The following ERCC3 variants were observed in gnomAD, a reference collection of about 807,000 sequenced individuals.
ERCC3 encodes general transcription and DNA repair factor IIH helicase/translocase subunit XPB.
In ERCC3, 66 loss-of-function variants were observed where a neutral mutation model predicts 94.2. That is an observed-to-expected ratio of 0.70 (90% CI 0.57 to 0.86). The LOEUF is 0.86. ERCC3 is among the 40% of genes least tolerant of loss of function. The pLI is 0.00. For missense variants in ERCC3, 829 were observed against 987.1 expected, an observed-to-expected ratio of 0.84 and a Z score of 2.15; for synonymous variants, 349 against 369.1, an observed-to-expected ratio of 0.95 and a Z score of 0.63.
At chr2:127,267,552 C>A (rs1263741997) in intron 12 of ERCC3, among the ~76,000 whole-genome samples, 4 of 151,922 alleles carry the variant, frequency 2.6e-5, no homozygotes, top group Non-Finnish European at 5.9e-5. Context: ...TGTTTTTAAT[C>A]CAATTTGCCA....
At chr2:127,272,244 C>T (rs915955774) in intron 11 of ERCC3, among the ~76,000 whole-genome samples, 13 of 151,930 alleles carry the variant, frequency 8.6e-5, no homozygotes, top group Admixed American at 3.9e-4. Flanking sequence ...AGGCTGGTCT[C>T]GAACTCCTGA....
chr2:127,284,687 A>ATT lies in ERCC3; in HGVS notation c.1342+2014_1342+2015dup, dbSNP rs533600271. On this transcript the variant is annotated intron_variant, in intron 8 of 14. Transcript: ENST00000285398. The surrounding 1 kb of genome is among the most constrained non-coding windows in gnomAD (Gnocchi z 4.1). ...AATTTACCCTAATCTGTTCATCTTT[A>ATT]TTTTTTTTTTTTGAGACAGAGTCTC... is the stretch of plus-strand genomic sequence containing the variant. Among the ~76,000 whole-genome samples, 12,480 of 145,666 alleles carry ATT rather than the reference A, an allele frequency of 0.086. 688 individuals carry two copies. The highest frequency in any genetic ancestry group is 0.16 in the African/African-American group (6,385 of 39,726).
chr2:127,276,458 G>A (rs994625779), intron 10 of ERCC3, among the ~76,000 whole-genome samples: 5 of 151,532 alleles, frequency 3.3e-5, no homozygotes, highest in East Asian at 1.9e-4. Context: ...GGAAACAGAC[G>A]GAAGCTTCAA....
At position 127,277,215 on chromosome 2, in the gene ERCC3, A is replaced by G. The variant is rs893294207; in HGVS notation, c.1730+1958T>C. 2.6e-5 allele frequency among the ~76,000 whole-genome samples: 4 copies of G among 152,134 alleles called. No individual in the cohort carries two copies. The highest frequency in any genetic ancestry group is 6.6e-5 in the Admixed American group (1 of 15,262). On this transcript the variant is annotated intron_variant, in intron 10 of 14. Transcript: ENST00000285398. This position sits in a 1 kb window ranked among gnomAD's most constrained non-coding sequence, Gnocchi z 5.1. ...AAGCAGGCCAGAACAGAGTAAGCGA[A>G]TGGAGTGCTGGTGGGGATCCCACTG...
At chr2:127,273,381 G>A (rs563199190) in intron 10 of ERCC3, among the ~76,000 whole-genome samples, 11 of 152,184 alleles carry the variant, frequency 7.2e-5, no homozygotes, top group Non-Finnish European at 1.3e-4. Flanking sequence ...GAGATGAGCA[G>A]AAAGGAGAAA....
intron 1 of ERCC3, 124 bp downstream of exon 1, chr2:127,293,930 C>G: frequency 1.3e-6 from 2 of 1,532,458 alleles, no homozygotes; most frequent in Non-Finnish European, 1.7e-6. Flanking sequence ...CCTGTCCCAA[C>G]GGGGTGCGCG....
At chr2:127,262,161 G>A (rs1424268870) in intron 12 of ERCC3, 1 of 152,322 alleles carries the variant, frequency 6.6e-6, no homozygotes, top group African/African-American at 2.4e-5. Context: ...AAAGAATGAA[G>A]TACTGACAGA....
intron 1 of ERCC3, 51 bp downstream of exon 1, chr2:127,294,003 G>T (rs981867732): frequency 1.3e-6 from 2 of 1,594,546 alleles, no homozygotes; most frequent in East Asian, 4.5e-5. Context: ...AGAGCGGGGG[G>T]CAGGGCCGGC....
chr2:127,275,175 G>A (rs575900796), intron 10 of ERCC3, among the ~76,000 whole-genome samples: 2 of 152,108 alleles, frequency 1.3e-5, no homozygotes, highest in Non-Finnish European at 2.9e-5. Flanking sequence ...GCAAAGAATG[G>A]AGCAATGCCC....
rs950128005 is a variant in ERCC3 at position 127,292,381 on chromosome 2, A to G, written c.471+229T>C. ...GCTCATGAGAAGCGTGGCCTCACCC[A>G]GAACACAATGCTGGATCCAGAGTGT... On this transcript the variant is annotated intron_variant, in intron 3 of 14. Transcript: ENST00000285398. 4.9e-6 allele frequency: 3 copies of G among 611,044 alleles called. 1 individual carries two copies. The South Asian group carries it at 5.3e-5, about 11-fold the overall frequency. The allele number at this position is 611,044 out of a possible 1,614,324, so 37.9% of individuals were successfully genotyped here.
chr2:127,267,298 T>TG (rs1684405765), intron 12 of ERCC3, among the ~76,000 whole-genome samples: 1 of 152,188 alleles, frequency 6.6e-6, no homozygotes, highest in East Asian at 1.9e-4. Flanking sequence ...CGCATATATA[T>TG]TTAGGATAGT....
chr2:127,289,050 AATGAAATCTAATCAGC>A (rs1685176328), intron 6 of ERCC3, among the ~76,000 whole-genome samples, 186 bp from the exon 7 acceptor site: 1 of 152,234 alleles, frequency 6.6e-6, no homozygotes, highest in African/African-American at 2.4e-5. Context: ...ACACTTTGAA[AATGAAATCTAATCAGC>A]AGGCAAAATT....
intron 10 of ERCC3, among the ~76,000 whole-genome samples, chr2:127,278,400 A>T (rs377583516): frequency 6.6e-6 from 1 of 152,238 alleles, no homozygotes; most frequent in Non-Finnish European, 1.5e-5. Flanking sequence ...TGGATTAAAA[A>T]GTCTTTCTAA....
rs1169008893 is a variant in ERCC3, at chr2:127,280,322, G to A, written c.1527+125C>T. The A allele has an allele frequency of 2.3e-6, 2 of 856,572 alleles. No individual in the cohort carries two copies. The highest frequency in any genetic ancestry group is 3.9e-6 in the Non-Finnish European group (2 of 515,484). 53.1% of individuals were successfully genotyped at this position (856,572 alleles called of 1,614,324 possible). On this transcript the variant is annotated intron_variant, in intron 9 of 14. Transcript: ENST00000285398. This position sits in a 1 kb window ranked among gnomAD's most constrained non-coding sequence, Gnocchi z 6.3. ...CAACCACAGGGTGACTGAGGATCCTGTATGAAGTGGTAGCAGGTGAGCCTA... is the reference window on the plus strand; with the variant it reads ...CAACCACAGGGTGACTGAGGATCCTATATGAAGTGGTAGCAGGTGAGCCTA...
In ERCC3 at chr2:127,257,742, G is replaced by A. The variant is rs1478904995; in HGVS notation, c.2218-15C>T. 2 of 1,614,090 alleles carry A rather than the reference G, an allele frequency of 1.2e-6. No individual in the cohort carries two copies. Among genetic ancestry groups the A allele is most frequent in the African/African-American group, 2.7e-5 (2 of 75,024 alleles). ...CGCCGAGATGCCTGCCGGGAAGGGG[G>A]AACCAGCCCATGTTAGTCTCCAGAA... On this transcript the variant is annotated splice_polypyrimidine_tract_variant and intron_variant, in intron 14 of 14. Transcript: ENST00000285398. The surrounding 1 kb of genome is among the most constrained non-coding windows in gnomAD (Gnocchi z 5.4).
chr2:127,293,644 G>C lies in ERCC3; in HGVS notation c.103C>G (p.Gln35Glu). The C allele has an allele frequency of 6.2e-7, 1 of 1,614,164 alleles. No individual in the cohort carries two copies. Among genetic ancestry groups the C allele is most frequent in the Non-Finnish European group, 8.5e-7 (1 of 1,180,024 alleles). Residue 35 changes from glutamine (Q) to glutamate (E), a missense_variant, in exon 2 of 15, where the codon CAG becomes GAG. Transcript: ENST00000285398. Reference sequence around the variant, plus strand: ...CCCGCCGCCGAGGGAACCGCTTCCTGAGGGTCGTTCCCCGGGGCGTCCTCT... The same window carrying C: ...CCCGCCGCCGAGGGAACCGCTTCCTCAGGGTCGTTCCCCGGGGCGTCCTCT... ...DEEDAPGNDP[Q>E]EAVPSAAGKQ...
In ERCC3 at chr2:127,280,345, C is replaced by T; in HGVS notation, c.1527+102G>A. On this transcript the variant is annotated intron_variant, in intron 9 of 14. Transcript: ENST00000285398. This position sits in a 1 kb window ranked among gnomAD's most constrained non-coding sequence, Gnocchi z 6.3. ...CTGTATGAAGTGGTAGCAGGTGAGC[C>T]TAAGTCCTGACCTGTGTCTGCCCAT... 9.0e-7 allele frequency: 1 copy of T among 1,108,206 alleles called. No individual in the cohort carries two copies. Among genetic ancestry groups the T allele is most frequent in the East Asian group, 2.6e-5 (1 of 38,928 alleles). 68.6% of individuals were successfully genotyped at this position (1,108,206 alleles called of 1,614,324 possible).
Position 127,264,350 on chromosome 2 carries a change from C to T in ERCC3, c.1946-3004G>A, listed in dbSNP as rs1684287721. Among the ~76,000 whole-genome samples, 1 of 152,148 alleles carries T rather than the reference C, an allele frequency of 6.6e-6. No homozygotes were observed. The highest frequency in any genetic ancestry group is 2.4e-5 in the African/African-American group (1 of 41,416). On this transcript the variant is annotated intron_variant, in intron 12 of 14. Coordinates refer to ENST00000285398, the MANE Select transcript of ERCC3 (RefSeq NM_000122.2). This position sits in a 1 kb window ranked among gnomAD's most constrained non-coding sequence, Gnocchi z 4.4. ...GCATGGTGGTGCGTGCCTGTAGTCC[C>T]AGCTACTTGGGAGGCTGAGGCAGGA... is the stretch of plus-strand genomic sequence containing the variant.
rs1312028083 is a variant in ERCC3 at position 127,271,483 on chromosome 2, T to C, written c.1828-30A>G. 4.8e-6 allele frequency: 7 copies of C among 1,464,142 alleles called. No individual in the cohort carries two copies. In the East Asian group the frequency reaches 1.4e-4, roughly 29 times the overall value. 90.7% of individuals were successfully genotyped at this position (1,464,142 alleles called of 1,614,324 possible). A position where few individuals can be genotyped will look rare whatever the true frequency, so the allele number is the denominator to read the frequency against. On this transcript the variant is annotated intron_variant, in intron 11 of 14. Coordinates refer to ENST00000285398, the MANE Select transcript of ERCC3 (RefSeq NM_000122.2). This position sits in a 1 kb window ranked among gnomAD's most constrained non-coding sequence, Gnocchi z 5.0. Reference sequence around the variant, plus strand: ...AGAAACAAGTTGGAAGGTTTTTATATATGAGGAAAAAAAAAAAGTCAACTG... The same window carrying C: ...AGAAACAAGTTGGAAGGTTTTTATACATGAGGAAAAAAAAAAAGTCAACTG...
Sources: allele counts gnomAD v4.1 joint callset (sites outside exome capture counted in the v4.1 genomes callset), GRCh38; gene constraint gnomAD v4.1.1; non-coding constraint Gnocchi (gnomAD v3.1); transcripts MANE v1.5; gene names NCBI Gene and HGNC (gene_info 2026-07-23, HGNC 2026-07-21).